MYO1B: variants seen among roughly 807,000 people sequenced by gnomAD.
The protein encoded by MYO1B is myosin IB, also known as unconventional myosin-Ib.
In MYO1B, 72 loss-of-function variants were observed where a neutral mutation model predicts 159.7. The observed-to-expected ratio is 0.45, with a 90% CI of 0.37 to 0.55. MYO1B has a LOEUF of 0.55. MYO1B is among the 20% of genes least tolerant of loss of function. MYO1B has a pLI of 0.00. For missense variants in MYO1B, 1,062 were observed against 1,364.8 expected (o/e 0.78, Z 3.50); for synonymous variants, 468 against 473.8 (o/e 0.99, Z 0.16).
intron 1 of MYO1B, among the ~76,000 whole-genome samples, chr2:191,252,714 G>A (rs901920103): frequency 6.6e-6 from 1 of 152,158 alleles, no homozygotes; most frequent in African/African-American, 2.4e-5. Flanking sequence ...GTAACCTCTT[G>A]CTTAGTTTTC....
intron 21 of MYO1B, among the ~76,000 whole-genome samples, chr2:191,398,557 G>A (rs1269368594): frequency 2.0e-5 from 3 of 151,014 alleles, no homozygotes; most frequent in East Asian, 2.0e-4. Flanking sequence ...CAGACGGGGC[G>A]GCCGGGCAGA....
intron 2 of MYO1B, among the ~76,000 whole-genome samples, chr2:191,284,432 C>G (rs1000992896): frequency 6.6e-6 from 1 of 152,166 alleles, no homozygotes; most frequent in African/African-American, 2.4e-5. Flanking sequence ...CTTACAGTCA[C>G]TGTGACCACT....
chr2:191,403,139 G>C (rs1402079078), intron 24 of MYO1B, among the ~76,000 whole-genome samples: 1 of 152,096 alleles, frequency 6.6e-6, no homozygotes, highest in Non-Finnish European at 1.5e-5. Flanking sequence ...AATAATGGCT[G>C]CCTGCAGTAG....
At chr2:191,305,632 G>A (rs140568752) in intron 3 of MYO1B, among the ~76,000 whole-genome samples, 17 of 152,346 alleles carry the variant, frequency 1.1e-4, no homozygotes, top group Non-Finnish European at 1.6e-4. Context: ...GTGGGAGACA[G>A]ACTGATAAAT....
At chr2:191,402,337 G>C (rs1408482882) in intron 23 of MYO1B, 1 of 380,194 alleles carries the variant, frequency 2.6e-6, no homozygotes, top group Admixed American at 4.1e-5. Flanking sequence ...GCAGCGAACA[G>C]AGAGAGAGAA....
rs191409729 is a variant in MYO1B, at chr2:191,361,620, T to C, written c.662-648T>C. 2.6e-3 allele frequency among the ~76,000 whole-genome samples: 397 copies of C among 150,876 alleles called. 10 individuals carry two copies. Among genetic ancestry groups the C allele is most frequent in the East Asian group, 7.8e-4 (4 of 5,154 alleles). ...ATATAATATATACATATACTACATA[T>C]AGTATAATATATGTAGAAGTATCTA... On this transcript the variant is annotated intron_variant, in intron 8 of 30. Coordinates refer to ENST00000392318, the MANE Select transcript of MYO1B (RefSeq NM_001130158.3).
At chr2:191,358,378 C>G (rs567274542) in intron 7 of MYO1B, among the ~76,000 whole-genome samples, 4 of 152,296 alleles carry the variant, frequency 2.6e-5, no homozygotes, top group Non-Finnish European at 4.4e-5. Flanking sequence ...TATCATGTTT[C>G]ACATTGGAAT....
intron 13 of MYO1B, among the ~76,000 whole-genome samples, chr2:191,373,034 T>C (rs563164286): frequency 6.6e-6 from 1 of 152,064 alleles, no homozygotes; most frequent in South Asian, 2.1e-4. Context: ...GTATTTTTAG[T>C]AGAGACAGGG....
At chr2:191,397,373 G>C (rs13010103) in intron 21 of MYO1B, among the ~76,000 whole-genome samples, 1 of 146,146 alleles carries the variant, frequency 6.8e-6, no homozygotes, top group South Asian at 2.2e-4. Flanking sequence ...GGGTACTTAA[G>C]ATTAGGGAGT....
Position 191,414,573 on chromosome 2 carries a change from G to T in MYO1B, c.3063G>T (p.Lys1021Asn). 1 of 1,613,496 alleles carries T rather than the reference G, an allele frequency of 6.2e-7. No homozygotes were observed. The highest frequency in any genetic ancestry group is 8.5e-7 in the Non-Finnish European group (1 of 1,179,754). ...TNNNLLLADQKSGQIKSEVPL... is the reference protein window; with the variant it reads ...TNNNLLLADQNSGQIKSEVPL... ...ATAATCTCCTTCTTGCTGACCAAAAGTCTGGACAAATCAAGTCAGAGGTTC... is the reference window on the plus strand; with the variant it reads ...ATAATCTCCTTCTTGCTGACCAAAATTCTGGACAAATCAAGTCAGAGGTTC... Residue 1021 changes from lysine (K) to asparagine (N), a missense_variant, in exon 29 of 31, where the codon AAG becomes AAT. Around this residue, in one of 5 missense-constraint regions of MYO1B, gnomAD observed 609 missense variants for 744.4 expected, o/e 0.82. Coordinates refer to ENST00000392318, the MANE Select transcript of MYO1B (RefSeq NM_001130158.3).
chr2:191,356,771 T>C (rs1254707275), intron 7 of MYO1B, among the ~76,000 whole-genome samples: 1 of 152,266 alleles, frequency 6.6e-6, no homozygotes, highest in Non-Finnish European at 1.5e-5. Context: ...GATACATTCA[T>C]GAACGAACTT....
intron 4 of MYO1B, 149 bp downstream of exon 4, chr2:191,330,178 A>G: frequency 1.7e-6 from 1 of 592,556 alleles, no homozygotes; most frequent in East Asian, 3.0e-5. Flanking sequence ...GGAACACAGA[A>G]TGTTCTCTGG....
At chr2:191,336,415 A>G (rs1421440272) in intron 4 of MYO1B, among the ~76,000 whole-genome samples, 1 of 152,244 alleles carries the variant, frequency 6.6e-6, no homozygotes, top group African/African-American at 2.4e-5. Flanking sequence ...AGTGAAGTCA[A>G]GGCCAAAATG....
At chr2:191,322,147 T>C (rs1429671649) in intron 3 of MYO1B, among the ~76,000 whole-genome samples, 1 of 152,170 alleles carries the variant, frequency 6.6e-6, no homozygotes, top group Non-Finnish European at 1.5e-5. Context: ...TGCTCCGCTA[T>C]GGGGAACTTT....
chr2:191,410,539 A>G (rs141672314), intron 26 of MYO1B, among the ~76,000 whole-genome samples: 63 of 152,292 alleles, frequency 4.1e-4, no homozygotes, highest in African/African-American at 1.4e-3. Context: ...CTGTCATAGC[A>G]TATTTGTGGT....
At chr2:191,422,290 G>A (rs1460208112) in intron 30 of MYO1B, among the ~76,000 whole-genome samples, 2 of 152,164 alleles carry the variant, frequency 1.3e-5, no homozygotes. Context: ...GGAAGACCTG[G>A]TTTCTGGCCC....
chr2:191,316,463 T>C (rs184997379), intron 3 of MYO1B, among the ~76,000 whole-genome samples: 2 of 152,268 alleles, frequency 1.3e-5, no homozygotes, highest in Admixed American at 6.5e-5. Context: ...TCAGTAGGTA[T>C]TTGAAGTACA....
chr2:191,273,712 T>TGA (rs1687592187), intron 1 of MYO1B, among the ~76,000 whole-genome samples: 1 of 152,224 alleles, frequency 6.6e-6, no homozygotes, highest in Non-Finnish European at 1.5e-5. Context: ...GGATTCCTTG[T>TGA]GAGGGCTCTT....
chr2:191,266,782 T>C (rs1363231801), intron 1 of MYO1B, among the ~76,000 whole-genome samples: 1 of 152,000 alleles, frequency 6.6e-6, no homozygotes, highest in Non-Finnish European at 1.5e-5. Flanking sequence ...AGTTGGTAAC[T>C]GGTAATCCAA....
Sources: allele counts gnomAD v4.1 joint callset (sites outside exome capture counted in the v4.1 genomes callset), GRCh38; gene constraint gnomAD v4.1.1; regional missense constraint gnomAD v4.1.1; transcripts MANE v1.5; gene names NCBI Gene and HGNC (gene_info 2026-07-23, HGNC 2026-07-21).